Variants in GNL2 observed in about 807,000 individuals in gnomAD.
GNL2 encodes the protein nucleolar GTP-binding protein 2.
Under a neutral mutation model 92.3 loss-of-function variants are expected in GNL2, and 51 were observed. That is an observed-to-expected ratio of 0.55 (90% CI 0.44 to 0.70). The LOEUF (loss-of-function observed/expected upper bound fraction) is 0.70. GNL2 is among the 30% of genes least tolerant of loss of function. GNL2 has a pLI of 0.00. For missense variants in GNL2, 844 were observed against 895.6 expected (o/e 0.94, Z 0.74); for synonymous variants, 283 against 300.6 (o/e 0.94, Z 0.61).
chr1:37,584,570 G>A (rs1021865666), intron 5 of GNL2, among the ~76,000 whole-genome samples: 1 of 151,720 alleles, frequency 6.6e-6, no homozygotes, highest in Non-Finnish European at 1.5e-5. Context: ...GACAAATACT[G>A]TATGATTCCA....
In GNL2 at chr1:37,587,186, G is replaced by C. The variant is rs368116672; in HGVS notation, c.569+125C>G. On this transcript the variant is annotated intron_variant, in intron 5 of 15. Transcript: ENST00000373062. ...AAAGGCTGAGGCAGGAGAATTGCTT[G>C]AACCTGGGAAGCGGAGGTTGCAGTG... 8.0e-5 allele frequency: 53 copies of C among 662,752 alleles called. No homozygotes were observed. The African/African-American group carries it at 8.0e-4, about 10-fold the overall frequency. The allele number at this position is 662,752 out of a possible 1,614,324, so 41.1% of individuals were successfully genotyped here.
intron 4 of GNL2, 34 bp from the exon 5 acceptor site, chr1:37,587,529 G>C: frequency 6.9e-7 from 1 of 1,452,608 alleles, no homozygotes; most frequent in Non-Finnish European, 9.5e-7. Flanking sequence ...GTAAAACTAA[G>C]AAAAGCACTG....
intron 4 of GNL2, among the ~76,000 whole-genome samples, chr1:37,588,620 T>C (rs534610579): frequency 3.3e-4 from 50 of 152,166 alleles, no homozygotes; most frequent in Non-Finnish European, 5.6e-4. Flanking sequence ...AGGCTTTATG[T>C]CTATAAACCT....
intron 3 of GNL2, 137 bp from the exon 4 acceptor site, chr1:37,590,982 C>T (rs1643884442): frequency 1.3e-6 from 1 of 774,364 alleles, no homozygotes; most frequent in African/African-American, 1.8e-5. Flanking sequence ...GAGCTGTTTT[C>T]AAACTTAAAA....
intron 12 of GNL2, among the ~76,000 whole-genome samples, chr1:37,572,620 G>A (rs2148129803): frequency 1.3e-5 from 2 of 152,258 alleles, no homozygotes; most frequent in African/African-American, 4.8e-5. Flanking sequence ...TGGAAGCTCT[G>A]TGCCTCTCCC....
At chr1:37,572,576 G>A (rs932457803) in intron 12 of GNL2, among the ~76,000 whole-genome samples, 3 of 152,132 alleles carry the variant, frequency 2.0e-5, no homozygotes, top group Non-Finnish European at 4.4e-5. Flanking sequence ...GGAAAGCTCT[G>A]GGTTGCTGAA....
chr1:37,591,838 T>C (rs1643889673), intron 3 of GNL2, among the ~76,000 whole-genome samples: 1 of 152,200 alleles, frequency 6.6e-6, no homozygotes, highest in African/African-American at 2.4e-5. Context: ...CATGACAGTC[T>C]TATGAGATAG....
intron 5 of GNL2, among the ~76,000 whole-genome samples, chr1:37,585,896 G>A (rs1175147182): frequency 1.3e-5 from 2 of 152,118 alleles, no homozygotes; most frequent in African/African-American, 4.8e-5. Flanking sequence ...CACTGCCCAA[G>A]GGAAATGAAA....
At position 37,566,877 on chromosome 1, in the gene GNL2, T is replaced by C. The variant is rs1165869046; in HGVS notation, c.2174A>G (p.Lys725Arg). Residue 725 changes from lysine to arginine, a missense_variant, in exon 16 of 16, where the codon AAA becomes AGA. Lys to Arg is a conservative substitution (Grantham distance 26). Coordinates refer to ENST00000373062, the MANE Select transcript of GNL2 (RefSeq NM_013285.3). Reference protein sequence around the residue: ...NDSEGQKHKRKKFRQKQ With the variant: ...NDSEGQKHKRRKFRQKQ ...ACATTACTGCTTTTGTCTGAATTTTTTGCGTTTGTGTTTCTGTCCCTCTGA... is the reference window on the plus strand; with the variant it reads ...ACATTACTGCTTTTGTCTGAATTTTCTGCGTTTGTGTTTCTGTCCCTCTGA... 1 of 1,613,336 alleles carries C rather than the reference T, an allele frequency of 6.2e-7. No individual in the cohort carries two copies. The highest frequency in any genetic ancestry group is 1.3e-5 in the African/African-American group (1 of 74,882).
At chr1:37,591,727 G>A (rs890091869) in intron 3 of GNL2, among the ~76,000 whole-genome samples, 2 of 152,020 alleles carry the variant, frequency 1.3e-5, no homozygotes, top group Non-Finnish European at 2.9e-5. Flanking sequence ...GGCTGGTCTC[G>A]AATGCCTGAC....
chr1:37,584,037 T>C (rs758585702), intron 5 of GNL2, 104 bp from the exon 6 acceptor site: 5 of 735,078 alleles, frequency 6.8e-6, no homozygotes, highest in Middle Eastern at 2.3e-4. Context: ...TCAAACCCAG[T>C]TGGAGATGGA....
At chr1:37,591,421 G>A (rs1005093816) in intron 3 of GNL2, among the ~76,000 whole-genome samples, 18 of 152,104 alleles carry the variant, frequency 1.2e-4, no homozygotes, top group East Asian at 3.8e-4. Flanking sequence ...AAACAGCAAG[G>A]TGGTAATGAC....
intron 12 of GNL2, among the ~76,000 whole-genome samples, chr1:37,573,297 G>A (rs1270849111): frequency 3.9e-5 from 6 of 152,236 alleles, no homozygotes; most frequent in Non-Finnish European, 8.8e-5. Context: ...TCAGGTGAGA[G>A]GAAACCAGCA....
chr1:37,576,540 T>C lies in GNL2; in HGVS notation c.926A>G (p.Lys309Arg). The C allele has an allele frequency of 6.2e-7, 1 of 1,613,966 alleles. No homozygotes were observed. Among genetic ancestry groups the C allele is most frequent in the East Asian group, 2.2e-5 (1 of 44,870 alleles). ...RQFGKLHTDK[K>R]QISVGFIGYP... ...GCCAATGAACCCAACACTGATCTGT[T>C]TCTTGTCAGTGTGCAACTGTTCAAA... Residue 309 changes from lysine to arginine, a missense_variant, in exon 9 of 16, where the codon AAA (lysine) becomes AGA (arginine). Coordinates refer to ENST00000373062, the MANE Select transcript of GNL2 (RefSeq NM_013285.3).
intron 15 of GNL2, among the ~76,000 whole-genome samples, chr1:37,567,318 G>A (rs1390043310): frequency 6.6e-6 from 1 of 152,186 alleles, no homozygotes; most frequent in Non-Finnish European, 1.5e-5. Flanking sequence ...CCCCTCCCCA[G>A]AGGGCCCACT....
At position 37,568,468 on chromosome 1, in the gene GNL2, T is replaced by G. The variant is rs115941022; in HGVS notation, c.1869-111A>C. On this transcript the variant is annotated intron_variant, in intron 13 of 15. Transcript: ENST00000373062. ...TAAAGAAACCCCACTCCTATCCAAG[T>G]AGTTATCACCAGTGGAAGAAGTCAA... 29 of 693,250 alleles carry G rather than the reference T, an allele frequency of 4.2e-5. 1 individual carries two copies. In the Admixed American group the frequency reaches 7.0e-4, roughly 17 times the overall value. 42.9% of individuals were successfully genotyped at this position (693,250 alleles called of 1,614,324 possible).
Position 37,571,855 on chromosome 1 carries a change from C to T in GNL2, c.1416+2488G>A, listed in dbSNP as rs1208147964. On this transcript the variant is annotated intron_variant, in intron 12 of 15. Coordinates refer to ENST00000373062, the MANE Select transcript of GNL2 (RefSeq NM_013285.3). ...GTTTCCACACAGGGTCCCAAGACAG[C>T]AGTGATACGGACATCCAGAATGACC... 2.6e-5 allele frequency among the ~76,000 whole-genome samples: 4 copies of T among 152,186 alleles called. No homozygotes were observed. In the South Asian group the frequency reaches 8.3e-4, roughly 32 times the overall value.
chr1:37,569,955 C>T (rs552500950), intron 12 of GNL2: 4 of 152,368 alleles, frequency 2.6e-5, no homozygotes, highest in Admixed American at 2.0e-4. Context: ...ACACTCTTGC[C>T]TGATGCCATG....
Position 37,569,007 on chromosome 1 carries a change from T to C in GNL2, c.1712A>G (p.Glu571Gly). The change falls in exon 13 of 16, where the codon GAG (glutamate) becomes GGG (glycine). Residue 571 changes from glutamate to glycine, a missense_variant. Coordinates refer to ENST00000373062, the MANE Select transcript of GNL2 (RefSeq NM_013285.3). Reference sequence around the variant, plus strand: ...CTCTTCCGCATCATCTCTTTGTTGCTCCTGTTCCTCCTCCTCTTCATCAGA... The same window carrying C: ...CTCTTCCGCATCATCTCTTTGTTGCCCCTGTTCCTCCTCCTCTTCATCAGA... ...SFSDEEEEEQ[E>G]QQRDDAEESS... The C allele has an allele frequency of 6.2e-7, 1 of 1,614,202 alleles. No individual in the cohort carries two copies.
Sources: gnomAD v4.1 joint callset for allele counts (sites outside exome capture counted in the v4.1 genomes callset) on GRCh38, gnomAD v4.1.1 for gene constraint, MANE v1.5 for transcripts, NCBI Gene and HGNC (gene_info 2026-07-23, HGNC 2026-07-21) for gene names.